Variants in C10orf67 observed in about 807,000 individuals in gnomAD.
The protein encoded by C10orf67 is uncharacterized protein C10orf67, mitochondrial.
In C10orf67, 60 loss-of-function variants were observed where a neutral mutation model predicts 35.6. That is an observed-to-expected ratio of 1.68 (90% CI 1.37 to 2.09). The LOEUF (loss-of-function observed/expected upper bound fraction) is 2.09, where lower values mean the gene tolerates loss of function less well. Among genes scored for constraint, C10orf67 ranks in the 30% most tolerant of loss-of-function variants. C10orf67 has a pLI of 0.00. For synonymous variants in C10orf67, 167 were observed against 115.8 expected, an observed-to-expected ratio of 1.44 and a Z score of -2.84; for missense variants, 474 against 330.2, an observed-to-expected ratio of 1.44 and a Z score of -3.38.
At chr10:23,297,550 T>C (rs1166268295) in intron 5 of C10orf67, among the ~76,000 whole-genome samples, 1 of 152,198 alleles carries the variant, frequency 6.6e-6, no homozygotes, top group Admixed American at 6.5e-5. Context: ...TTTCAAGTAC[T>C]CCATTATCAC....
chr10:23,322,609 T>G, intron 2 of C10orf67, 72 bp from the exon 3 acceptor site: 1 of 1,036,060 alleles, frequency 9.7e-7, no homozygotes, highest in East Asian at 2.6e-5. Context: ...TGTTGTCACT[T>G]GCTAAGTGGG....
intron 13 of C10orf67, among the ~76,000 whole-genome samples, chr10:23,237,970 A>G (rs755757230): frequency 5.3e-5 from 8 of 152,216 alleles, no homozygotes; most frequent in Non-Finnish European, 8.8e-5. Flanking sequence ...CTTTCATAGC[A>G]TTTATCCAAA....
At chr10:23,231,735 A>G (rs1401006639) in intron 13 of C10orf67, among the ~76,000 whole-genome samples, 1 of 152,208 alleles carries the variant, frequency 6.6e-6, no homozygotes, top group African/African-American at 2.4e-5. Flanking sequence ...ATAATAGTAA[A>G]AAGTGAGAAC....
chr10:23,211,288 C>CT (rs1256259321), intron 15 of C10orf67, among the ~76,000 whole-genome samples: 2 of 152,214 alleles, frequency 1.3e-5, no homozygotes, highest in Non-Finnish European at 2.9e-5. Context: ...TAGTGTCTCC[C>CT]TGTGTGTCTC....
At chr10:23,322,827 TA>T (rs1845012660) in intron 2 of C10orf67, among the ~76,000 whole-genome samples, 1 of 151,960 alleles carries the variant, frequency 6.6e-6, no homozygotes, top group Non-Finnish European at 1.5e-5. Context: ...CCCCTGAACC[TA>T]AAAGTTAAAA....
At chr10:23,241,470 A>G (rs576195015) in intron 12 of C10orf67, among the ~76,000 whole-genome samples, 8 of 152,316 alleles carry the variant, frequency 5.3e-5, no homozygotes, top group African/African-American at 1.2e-4. Flanking sequence ...CATGCAGGAT[A>G]GGCATGATTA....
chr10:23,334,135 A>G, intron 1 of C10orf67, among the ~76,000 whole-genome samples: 1 of 152,196 alleles, frequency 6.6e-6, no homozygotes, highest in Admixed American at 6.5e-5. Flanking sequence ...GGTGCCAATA[A>G]TTTTTTAAGA....
chr10:23,242,522 T>C (rs1297430551), intron 12 of C10orf67, among the ~76,000 whole-genome samples: 1 of 151,778 alleles, frequency 6.6e-6, no homozygotes, highest in Non-Finnish European at 1.5e-5. Flanking sequence ...AAACAGTAAA[T>C]GTGTGAGTAA....
At chr10:23,269,183 T>C (rs545693056) in intron 8 of C10orf67, among the ~76,000 whole-genome samples, 39 of 152,266 alleles carry the variant, frequency 2.6e-4, no homozygotes, top group Non-Finnish European at 4.3e-4. Flanking sequence ...TTCAAACACA[T>C]AGGGTTGTTT....
chr10:23,325,129 C>G (rs1845131486), intron 2 of C10orf67, among the ~76,000 whole-genome samples: 1 of 152,020 alleles, frequency 6.6e-6, no homozygotes, highest in Non-Finnish European at 1.5e-5. Context: ...TTGAGGCAAG[C>G]AGTTTAAGAC....
chr10:23,235,733 G>A (rs1221224746), intron 13 of C10orf67, among the ~76,000 whole-genome samples: 3 of 152,158 alleles, frequency 2.0e-5, no homozygotes, highest in Non-Finnish European at 2.9e-5. Context: ...TGACCAATCA[G>A]CACATGAAAA....
intron 4 of C10orf67, among the ~76,000 whole-genome samples, chr10:23,307,209 AT>A (rs1844319438): frequency 6.6e-6 from 1 of 152,200 alleles, no homozygotes. Flanking sequence ...TAAAAATCTT[AT>A]TTTCAACACT....
Position 23,274,257 on chromosome 10 carries a change from A to G in C10orf67, c.976-7003T>C, listed in dbSNP as rs554974374. 7.2e-5 allele frequency among the ~76,000 whole-genome samples: 11 copies of G among 152,264 alleles called. No homozygotes were observed. The East Asian group carries it at 2.1e-3, about 29-fold the overall frequency. On this transcript the variant is annotated intron_variant, in intron 8 of 15. Coordinates refer to ENST00000636213, the MANE Select transcript of C10orf67 (RefSeq NM_001371909.1). The stretch of plus-strand genomic sequence containing the variant: ...GTCCCGCTGGGCACACACTGTCTTG[A>G]TAAACATCTTAACAGGAAACAGCGT...
At chr10:23,258,928 T>C (rs986555213) in intron 10 of C10orf67, among the ~76,000 whole-genome samples, 1 of 152,226 alleles carries the variant, frequency 6.6e-6, no homozygotes, top group Admixed American at 6.5e-5. Flanking sequence ...TTTCTTCTTG[T>C]AGCAAATGAA....
rs534989130 is a variant in C10orf67 at position 23,213,176 on chromosome 10, G to A, written c.1571-8921C>T. Reference sequence around the variant, plus strand: ...TAAAGAGAGAATTTGAATGTTGGAAGGTACTATTGAAGAATTCACCCATAT... The same window carrying A: ...TAAAGAGAGAATTTGAATGTTGGAAAGTACTATTGAAGAATTCACCCATAT... On this transcript the variant is annotated intron_variant, in intron 15 of 15. Transcript: ENST00000636213. Among the ~76,000 whole-genome samples the A allele has an allele frequency of 2.0e-5, 3 of 152,206 alleles. No homozygotes were observed. The East Asian group carries it at 5.8e-4, about 29-fold the overall frequency.
At chr10:23,253,936 T>C (rs1203587280) in intron 10 of C10orf67, among the ~76,000 whole-genome samples, 2 of 152,194 alleles carry the variant, frequency 1.3e-5, no homozygotes, top group Non-Finnish European at 2.9e-5. Context: ...AGTTGAACTT[T>C]CAACTTTGCT....
intron 15 of C10orf67, among the ~76,000 whole-genome samples, chr10:23,218,802 T>G (rs141255548): frequency 0.014 from 2,157 of 152,290 alleles, 42 homozygotes; most frequent in Non-Finnish European, 0.017. Context: ...GTGGAATCTA[T>G]TGTTTGGATA....
intron 15 of C10orf67, among the ~76,000 whole-genome samples, chr10:23,221,184 T>C (rs543550053): frequency 8.5e-5 from 13 of 152,186 alleles, no homozygotes; most frequent in Admixed American, 3.9e-4. Flanking sequence ...CTTACAATCA[T>C]GGTGGAAGGG....
chr10:23,236,792 G>A (rs754215411), intron 13 of C10orf67, among the ~76,000 whole-genome samples: 3 of 152,084 alleles, frequency 2.0e-5, no homozygotes, highest in African/African-American at 4.8e-5. Context: ...CAGGAGAATC[G>A]CTTAAACCTG....
Sources: gnomAD v4.1 joint callset for allele counts (sites outside exome capture counted in the v4.1 genomes callset) on GRCh38, gnomAD v4.1.1 for gene constraint, MANE v1.5 for transcripts, NCBI Gene and HGNC (gene_info 2026-07-23, HGNC 2026-07-21) for gene names.